The following ASCC2 variants were observed in gnomAD, a reference collection of about 807,000 sequenced individuals.
ASCC2 encodes activating signal cointegrator 1 complex subunit 2.
Under a neutral mutation model 93.5 loss-of-function variants are expected in ASCC2, and 42 were observed. That is an observed-to-expected ratio of 0.45 (90% CI 0.35 to 0.58). The LOEUF (loss-of-function observed/expected upper bound fraction) is 0.58. Among genes scored for constraint, ASCC2 ranks in the 20% least tolerant of loss-of-function variants. The pLI is 0.00. For synonymous variants in ASCC2, 364 were observed against 384.2 expected (o/e 0.95, Z 0.62); for missense variants, 859 against 977.6 (o/e 0.88, Z 1.62).
intron 1 of ASCC2, among the ~76,000 whole-genome samples, chr22:29,835,421 T>A (rs12157919): frequency 1.3e-3 from 194 of 149,254 alleles, no homozygotes; most frequent in African/African-American, 3.8e-3. Flanking sequence ...AAAAAAAAAA[T>A]TTTTTTTCTT....
At chr22:29,800,765 C>T (rs2058989114) in intron 15 of ASCC2, among the ~76,000 whole-genome samples, 1 of 152,160 alleles carries the variant, frequency 6.6e-6, no homozygotes, top group Non-Finnish European at 1.5e-5. Context: ...TTGCTATCAA[C>T]AGGGGGGATT....
Position 29,808,680 on chromosome 22 carries a change from A to G in ASCC2, c.834-495T>C, listed in dbSNP as rs572277650. 2.6e-4 allele frequency among the ~76,000 whole-genome samples: 40 copies of G among 152,016 alleles called. 1 individual carries two copies. In the East Asian group the frequency reaches 7.2e-3, roughly 27 times the overall value. On this transcript the variant is annotated intron_variant, in intron 8 of 19. Coordinates refer to ENST00000307790, the MANE Select transcript of ASCC2 (RefSeq NM_032204.5). ...TCTACAAAAAATACAAAAATTAGCC[A>G]GGCATGGTGGTCCACACCTGTAGCC... is the stretch of plus-strand genomic sequence containing the variant.
intron 1 of ASCC2, among the ~76,000 whole-genome samples, chr22:29,833,164 G>GAGCT (rs556593487): frequency 2.2e-3 from 339 of 152,282 alleles, no homozygotes; most frequent in Non-Finnish European, 3.9e-3. Flanking sequence ...AGTAGCCTGT[G>GAGCT]AGCTCTATGA....
At chr22:29,835,420 AT>A (rs979864676) in intron 1 of ASCC2, among the ~76,000 whole-genome samples, 16 of 151,076 alleles carry the variant, frequency 1.1e-4, no homozygotes, top group African/African-American at 3.2e-4. Context: ...AAAAAAAAAA[AT>A]TTTTTTTCTT....
chr22:29,812,931 G>A (rs2060444151), intron 8 of ASCC2, among the ~76,000 whole-genome samples: 1 of 151,740 alleles, frequency 6.6e-6, no homozygotes, highest in Non-Finnish European at 1.5e-5. Context: ...ACCCAGGGTG[G>A]AGTGCAGTGG....
intron 16 of ASCC2, 29 bp from the exon 17 acceptor site, chr22:29,793,519 G>A: frequency 4.3e-6 from 7 of 1,613,948 alleles, no homozygotes; most frequent in Non-Finnish European, 5.9e-6. Flanking sequence ...GGGTCTGGGG[G>A]GCTCAGGGGC....
In ASCC2 at chr22:29,790,566, G is replaced by A. The variant is rs1190147401; in HGVS notation, c.2023-18C>T. 1.2e-6 allele frequency: 2 copies of A among 1,612,786 alleles called. No individual in the cohort carries two copies. Among genetic ancestry groups the A allele is most frequent in the South Asian group, 2.2e-5 (2 of 91,032 alleles). On this transcript the variant is annotated intron_variant, in intron 18 of 19. Coordinates refer to ENST00000307790, the MANE Select transcript of ASCC2 (RefSeq NM_032204.5). ...TGGTCGGGCTGTGGAAAGGAGAGGA[G>A]ACCAAATCTGGAGTCAGGAGCTGCC...
At chr22:29,831,624 T>C (rs569849090) in intron 2 of ASCC2, among the ~76,000 whole-genome samples, 1 of 152,272 alleles carries the variant, frequency 6.6e-6, no homozygotes, top group East Asian at 1.9e-4. Context: ...GCTCAAATTC[T>C]TGGGAAAACA....
intron 14 of ASCC2, 33 bp from the exon 15 acceptor site, chr22:29,801,143 G>A (rs1389261303): frequency 2.6e-6 from 4 of 1,563,684 alleles, no homozygotes; most frequent in African/African-American, 1.4e-5. Flanking sequence ...AATTTAAGGG[G>A]GCCCTGCCAG....
chr22:29,802,900 C>T (rs953375826), intron 13 of ASCC2, among the ~76,000 whole-genome samples: 4 of 152,034 alleles, frequency 2.6e-5, no homozygotes, highest in African/African-American at 9.6e-5. Flanking sequence ...CAAGCCACTG[C>T]ACTCCAGCCT....
chr22:29,804,169 G>T (rs2059411644), intron 13 of ASCC2, among the ~76,000 whole-genome samples: 1 of 152,222 alleles, frequency 6.6e-6, no homozygotes, highest in South Asian at 2.1e-4. Flanking sequence ...GATTCGGCCA[G>T]TCCTGGAAAA....
At chr22:29,804,514 T>G in intron 13 of ASCC2, 124 bp downstream of exon 13, 1 of 1,178,184 alleles carries the variant, frequency 8.5e-7, no homozygotes, top group Non-Finnish European at 1.2e-6. Flanking sequence ...AGGCTGTCTA[T>G]TCCCCAAAAA....
chr22:29,789,277 A>T, intron 19 of ASCC2, 93 bp from the exon 20 acceptor site: 1 of 1,460,420 alleles, frequency 6.8e-7, no homozygotes, highest in Non-Finnish European at 9.5e-7. Flanking sequence ...TCACTGGGAG[A>T]GGACACAGAC....
intron 10 of ASCC2, 42 bp from the exon 11 acceptor site, chr22:29,806,595 G>A: frequency 6.4e-7 from 1 of 1,564,586 alleles, no homozygotes; most frequent in Admixed American, 1.7e-5. Context: ...TGCAATGCAA[G>A]ATGAGCTGCA....
rs5844872 is a variant in ASCC2, at chr22:29,827,899, GACACACAC to G, written c.82-2127_82-2120del. Among the ~76,000 whole-genome samples, 63 of 40,000 alleles carry G rather than the reference GACACACAC, an allele frequency of 1.6e-3. 6 individuals carry two copies. Among genetic ancestry groups the G allele is most frequent in the South Asian group, 3.0e-3 (5 of 1,650 alleles). The allele number at this position is 40,000 out of a possible 152,430, so 26.2% of individuals were successfully genotyped here. A position where few individuals can be genotyped will look rare whatever the true frequency, so the allele number is the denominator to read the frequency against. On this transcript the variant is annotated intron_variant, in intron 2 of 19. Transcript: ENST00000307790. ...CACACACCAGGCTACTCATTCTTCT[GACACACAC>G]ACACACACACACACACACACACCAG... is the stretch of plus-strand genomic sequence containing the variant.
chr22:29,832,173 G>T, intron 2 of ASCC2, 72 bp downstream of exon 2: 1 of 1,354,356 alleles, frequency 7.4e-7, no homozygotes, highest in Non-Finnish European at 1.0e-6. Context: ...GATAAAGACG[G>T]AATTTACTTT....
chr22:29,822,596 G>A (rs910936941), intron 4 of ASCC2, 132 bp from the exon 5 acceptor site: 9 of 986,488 alleles, frequency 9.1e-6, no homozygotes, highest in Non-Finnish European at 1.3e-5. Flanking sequence ...GCATAGACCT[G>A]GAGCAATGGC....
At chr22:29,805,296 C>CT (rs1454058388) in intron 12 of ASCC2, among the ~76,000 whole-genome samples, 2 of 152,250 alleles carry the variant, frequency 1.3e-5, no homozygotes, top group Non-Finnish European at 2.9e-5. Context: ...CTGCTCCTCC[C>CT]TGTCCTTCCT....
At chr22:29,827,689 C>T (rs1042766445) in intron 2 of ASCC2, 9 of 452,742 alleles carry the variant, frequency 2.0e-5, no homozygotes, top group Non-Finnish European at 3.7e-5. Flanking sequence ...AAGCTTCCTC[C>T]CTCTTCTATC....
Sources: allele counts gnomAD v4.1 joint callset (sites outside exome capture counted in the v4.1 genomes callset), GRCh38; gene constraint gnomAD v4.1.1; transcripts MANE v1.5; gene names NCBI Gene and HGNC (gene_info 2026-07-23, HGNC 2026-07-21).